Variants in DCBLD2 observed in about 807,000 individuals in gnomAD.
DCBLD2 encodes discoidin, CUB and LCCL domain containing 2, also known as discoidin, CUB and LCCL domain-containing protein 2.
A neutral mutation model predicts 86.8 loss-of-function variants in DCBLD2; 54 were observed. The ratio of observed to expected loss-of-function variants is 0.62; its 90% CI spans 0.50 to 0.78. The LOEUF is 0.78. Among genes scored for constraint, DCBLD2 ranks in the 30% least tolerant of loss-of-function variants. The pLI is 0.00. For synonymous variants in DCBLD2, 354 were observed against 341.3 expected (o/e 1.04, Z -0.41); for missense variants, 908 against 954.2 (o/e 0.95, Z 0.64).
intron 13 of DCBLD2, among the ~76,000 whole-genome samples, chr3:98,807,081 A>G (rs576845037): frequency 6.6e-5 from 10 of 152,288 alleles, no homozygotes; most frequent in Middle Eastern, 3.4e-3. Flanking sequence ...TTCCATCTAT[A>G]GAATGAAATC....
At chr3:98,813,128 G>A (rs939561639) in intron 9 of DCBLD2, 4 of 152,138 alleles carry the variant, frequency 2.6e-5, no homozygotes, top group Non-Finnish European at 5.9e-5. Flanking sequence ...GTCTTGCTCT[G>A]TCATCCAAGG....
chr3:98,879,782 A>G (rs780194155), intron 2 of DCBLD2, among the ~76,000 whole-genome samples: 2 of 152,166 alleles, frequency 1.3e-5, no homozygotes, highest in Admixed American at 6.6e-5. Flanking sequence ...AATGCTATGT[A>G]TATGTTGAAG....
intron 14 of DCBLD2, 58 bp from the exon 15 acceptor site, chr3:98,800,774 T>C (rs1941704871): frequency 6.2e-7 from 1 of 1,604,988 alleles, no homozygotes; most frequent in Admixed American, 1.7e-5. Context: ...TCTCAAACAG[T>C]AGTATCAAGA....
chr3:98,867,937 G>C (rs1030669709), intron 2 of DCBLD2, among the ~76,000 whole-genome samples: 2 of 151,884 alleles, frequency 1.3e-5, no homozygotes, highest in Non-Finnish European at 2.9e-5. Flanking sequence ...TGCATAGCTG[G>C]GACTACAGGT....
intron 3 of DCBLD2, among the ~76,000 whole-genome samples, chr3:98,836,640 A>T (rs560142728): frequency 1.1e-4 from 14 of 124,708 alleles, no homozygotes; most frequent in Non-Finnish European, 1.6e-4. Context: ...CTGGCCGGGC[A>T]GAGGGGCTCC....
At chr3:98,836,648 T>TGACCCCC in intron 3 of DCBLD2, among the ~76,000 whole-genome samples, 1 of 127,416 alleles carries the variant, frequency 7.8e-6, no homozygotes, top group Non-Finnish European at 1.7e-5. Flanking sequence ...GCAGAGGGGC[T>TGACCCCC]CCTCACTTCC....
intron 2 of DCBLD2, among the ~76,000 whole-genome samples, chr3:98,856,197 TG>T (rs1942928092): frequency 6.6e-6 from 1 of 152,152 alleles, no homozygotes; most frequent in Non-Finnish European, 1.5e-5. Flanking sequence ...AATTCTTGGA[TG>T]GGGGCAGGAT....
intron 13 of DCBLD2, among the ~76,000 whole-genome samples, chr3:98,804,586 C>T (rs540921194): frequency 1.3e-5 from 2 of 152,238 alleles, no homozygotes; most frequent in East Asian, 1.9e-4. Flanking sequence ...ACTTCTGCAG[C>T]TTTTCAATGT....
chr3:98,825,132 T>C (rs553167155), intron 4 of DCBLD2, among the ~76,000 whole-genome samples, 183 bp downstream of exon 4: 3 of 152,256 alleles, frequency 2.0e-5, no homozygotes, highest in Non-Finnish European at 2.9e-5. Context: ...AAAAGCAAAA[T>C]GTAAACATGC....
chr3:98,801,614 T>C lies in DCBLD2; in HGVS notation c.1706A>G (p.Tyr569Cys), dbSNP rs1162795462. The change falls in exon 14 of 16, where the codon TAC becomes TGC. Residue 569 changes from tyrosine (Y) to cysteine (C), a missense_variant. Coordinates refer to ENST00000326840, the MANE Select transcript of DCBLD2 (RefSeq NM_080927.4). ...KKTEGTYDLP[Y>C]WDRAGWWKGM... ...ACGTGAGTTACCTGCCCGGTCCCAG[T>C]AAGGTAAGTCATAGGTGCCTTCAGT... 1.2e-6 allele frequency: 2 copies of C among 1,610,324 alleles called. No homozygotes were observed. Among genetic ancestry groups the C allele is most frequent in the South Asian group, 2.2e-5 (2 of 90,236 alleles).
chr3:98,819,129 A>T, intron 8 of DCBLD2, 73 bp downstream of exon 8: 1 of 1,392,318 alleles, frequency 7.2e-7, no homozygotes. Context: ...TTTCTCTGAA[A>T]ATCTTAGATG....
At chr3:98,896,562 C>T (rs1943753364) in intron 1 of DCBLD2, among the ~76,000 whole-genome samples, 1 of 152,018 alleles carries the variant, frequency 6.6e-6, no homozygotes, top group Non-Finnish European at 1.5e-5. Flanking sequence ...AAAATTACAA[C>T]TACAAAAGAT....
chr3:98,809,689 C>G (rs1941903139), intron 12 of DCBLD2, among the ~76,000 whole-genome samples: 1 of 152,158 alleles, frequency 6.6e-6, no homozygotes, highest in African/African-American at 2.4e-5. Context: ...GACAGAAGAG[C>G]TACTGCAGCC....
At position 98,900,989 on chromosome 3, in the gene DCBLD2, T is replaced by C. The variant is rs181917272; in HGVS notation, c.205+133A>G. 1.7e-3 allele frequency: 2,516 copies of C among 1,454,594 alleles called. 4 individuals carry two copies. The highest frequency in any genetic ancestry group is 2.9e-3 in the Admixed American group (138 of 47,980). The allele number at this position is 1,454,594 out of a possible 1,614,324, so 90.1% of individuals were successfully genotyped here. A position where few individuals can be genotyped will look rare whatever the true frequency, so the allele number is the denominator to read the frequency against. On this transcript the variant is annotated intron_variant, in intron 1 of 15. Transcript: ENST00000326840. Reference sequence around the variant, plus strand: ...TGCCTTTGCAACTCAACCCCGTGAGTACCCAGCCAGGTCCGGCCACGCACG... The same window carrying C: ...TGCCTTTGCAACTCAACCCCGTGAGCACCCAGCCAGGTCCGGCCACGCACG...
intron 4 of DCBLD2, among the ~76,000 whole-genome samples, chr3:98,824,088 A>G (rs1406390830): frequency 1.3e-5 from 2 of 152,182 alleles, no homozygotes; most frequent in Non-Finnish European, 2.9e-5. Flanking sequence ...GAGCAAAACT[A>G]AGGTTAGTTA....
At chr3:98,836,610 A>C (rs1218890446) in intron 3 of DCBLD2, among the ~76,000 whole-genome samples, 2 of 144,016 alleles carry the variant, frequency 1.4e-5, no homozygotes, top group African/African-American at 2.6e-5. Flanking sequence ...GCTGTTGGGC[A>C]CACCTCCCAG....
chr3:98,881,215 T>C (rs1469554112), intron 2 of DCBLD2, among the ~76,000 whole-genome samples: 3 of 150,670 alleles, frequency 2.0e-5, no homozygotes, highest in Admixed American at 6.6e-5. Flanking sequence ...AATTGCGCCA[T>C]TGCCCTCCAG....
Position 98,901,639 on chromosome 3 carries a change from C to T in DCBLD2, c.-313G>A, listed in dbSNP as rs1398324821. ...CGTGCCTCCCGCGCCGCGCTCCTCA[C>T]CAGGGTCGCCGCTCGCCGCGCTCAC... is the stretch of plus-strand genomic sequence containing the variant. On this transcript the variant is annotated 5_prime_UTR_variant, in exon 1 of 16. The change creates a new upstream start codon in the 5' untranslated region. Coordinates refer to ENST00000326840, the MANE Select transcript of DCBLD2 (RefSeq NM_080927.4). 2 of 214,374 alleles carry T rather than the reference C, an allele frequency of 9.3e-6. No homozygotes were observed. The highest frequency in any genetic ancestry group is 9.2e-6 in the Non-Finnish European group (1 of 108,994). The allele number at this position is 214,374 out of a possible 1,614,324, so 13.3% of individuals were successfully genotyped here.
At chr3:98,894,165 G>A (rs1258049095) in intron 1 of DCBLD2, among the ~76,000 whole-genome samples, 1 of 152,132 alleles carries the variant, frequency 6.6e-6, no homozygotes, top group South Asian at 2.1e-4. Flanking sequence ...AGGTGAAAGA[G>A]GAAGCACCTG....
Sources: gnomAD v4.1 joint callset for allele counts (sites outside exome capture counted in the v4.1 genomes callset) on GRCh38, gnomAD v4.1.1 for gene constraint, MANE v1.5 for transcripts, NCBI Gene and HGNC (gene_info 2026-07-23, HGNC 2026-07-21) for gene names.